CCDC9: variants seen among roughly 807,000 people sequenced by gnomAD.
The protein encoded by CCDC9 is coiled-coil domain-containing protein 9.
Under a neutral mutation model 65.6 loss-of-function variants are expected in CCDC9, and 52 were observed. That is an observed-to-expected ratio of 0.79 (90% CI 0.63 to 1.00). CCDC9 has a LOEUF of 1.00. Among genes scored for constraint, CCDC9 ranks in the 50% least tolerant of loss-of-function variants. CCDC9 has a pLI of 0.00. For missense variants in CCDC9, 834 were observed against 757.2 expected, an observed-to-expected ratio of 1.10 and a Z score of -1.19; for synonymous variants, 332 against 280.3, an observed-to-expected ratio of 1.18 and a Z score of -1.84.
At position 47,258,338 on chromosome 19, in the gene CCDC9, A is replaced by G; in HGVS notation, c.-63A>G. On this transcript the variant is annotated 5_prime_UTR_variant, in exon 2 of 12. Transcript: ENST00000221922. ...TTTCCCTCTGTCCCCAGGAACCCTC[A>G]GTGCTGCGTCTAGATTCTGCAGGGG... 2 of 1,587,320 alleles carry G rather than the reference A, an allele frequency of 1.3e-6. No individual in the cohort carries two copies. The highest frequency in any genetic ancestry group is 1.7e-6 in the Non-Finnish European group (2 of 1,156,056).
At chr19:47,273,195 TGA>T (rs779302769), downstream of CCDC9, among the ~76,000 whole-genome samples, 3 of 150,908 alleles carry the variant, frequency 2.0e-5, no homozygotes, top group Non-Finnish European at 4.4e-5. Flanking sequence ...GTGGGTCCGC[TGA>T]GAGGATTAGT....
chr19:47,271,689 CTGTGTGTGTG>C lies in CCDC9; in HGVS notation c.*46_*55del, dbSNP rs746173971. 1.4e-3 allele frequency: 1,563 copies of C among 1,126,772 alleles called. 5 individuals are homozygous for C. Among genetic ancestry groups the C allele is most frequent in the Middle Eastern group, 2.4e-3 (8 of 3,314 alleles). 69.8% of individuals were successfully genotyped at this position (1,126,772 alleles called of 1,614,324 possible). A position where few individuals can be genotyped will look rare whatever the true frequency, so the allele number is the denominator to read the frequency against. ...TTTGAGAGTGTATGAAGCTGGCTGCCTGTGTGTGTGTGTGTGTGTGTGTGTGTGTGTGTGT... is the reference window on the plus strand; with the variant it reads ...TTTGAGAGTGTATGAAGCTGGCTGCCTGTGTGTGTGTGTGTGTGTGTGTGT... On this transcript the variant is annotated 3_prime_UTR_variant, in exon 12 of 12. Coordinates refer to ENST00000221922, the MANE Select transcript of CCDC9 (RefSeq NM_015603.3).
chr19:47,270,514 A>G, intron 9 of CCDC9, 39 bp from the exon 10 acceptor site: 1 of 1,614,080 alleles, frequency 6.2e-7, no homozygotes. Context: ...GGTGTGTGCC[A>G]CACCTTCCCT....
chr19:47,270,729 C>G, intron 10 of CCDC9, 41 bp downstream of exon 10: 13 of 1,562,172 alleles, frequency 8.3e-6, no homozygotes, highest in Non-Finnish European at 1.1e-5. Context: ...CCCCAGGGCT[C>G]TCCGCAGGGC....
In CCDC9 at chr19:47,271,303, G is replaced by T; in HGVS notation, c.1221G>T (p.Arg407=). ...QPPEIPAPAH[R]PPEDEGEENE... ...CCGAGATCCCAGCTCCTGCCCACCG[G>T]CCTCCTGAAGACGAGGGGGAAGAGA... Residue 407 remains arginine, a synonymous_variant, in exon 12 of 12, where the codon CGG becomes CGT. Coordinates refer to ENST00000221922, the MANE Select transcript of CCDC9 (RefSeq NM_015603.3). 1 of 1,612,686 alleles carries T rather than the reference G, an allele frequency of 6.2e-7. No homozygotes were observed. Among genetic ancestry groups the T allele is most frequent in the Non-Finnish European group, 8.5e-7 (1 of 1,179,360 alleles).
chr19:47,274,652 GTGATT>G (rs2059144619), downstream of CCDC9: 1 of 229,164 alleles, frequency 4.4e-6, no homozygotes, highest in Non-Finnish European at 7.6e-6. Flanking sequence ...GGAGGAGGCG[GTGATT>G]GGGGTGGTGG....
intron 2 of CCDC9, 69 bp downstream of exon 2, chr19:47,258,472 T>C (rs950281313): frequency 1.9e-6 from 3 of 1,607,712 alleles, no homozygotes; most frequent in African/African-American, 1.3e-5. Flanking sequence ...ATGGGATCCA[T>C]AGGGGCAGAC....
Position 47,271,729 on chromosome 19 carries a change from G to GTC in CCDC9, c.*52_*53insCT. ...TGTGTGTGTGTGTGTGTGTGTGTGTGTGTGCGCGCGCGCGCGCGCGCGCGC... is the reference window on the plus strand; with the variant it reads ...TGTGTGTGTGTGTGTGTGTGTGTGTGTCTGTGCGCGCGCGCGCGCGCGCGCGC... On this transcript the variant is annotated 3_prime_UTR_variant, in exon 12 of 12. Coordinates refer to ENST00000221922, the MANE Select transcript of CCDC9 (RefSeq NM_015603.3). 1 of 615,842 alleles carries GTC rather than the reference G, an allele frequency of 1.6e-6. No homozygotes were observed. Among genetic ancestry groups the GTC allele is most frequent in the Non-Finnish European group, 1.9e-6 (1 of 519,576 alleles). 38.1% of individuals were successfully genotyped at this position (615,842 alleles called of 1,614,324 possible).
downstream of CCDC9, chr19:47,273,839 T>G (rs1347107108): frequency 2.9e-6 from 1 of 349,118 alleles, no homozygotes; most frequent in African/African-American, 2.2e-5. Context: ...CCGCTCACCC[T>G]TGAACTGTGT....
At chr19:47,275,403 G>C, downstream of CCDC9, 2 of 1,509,354 alleles carry the variant, frequency 1.3e-6, no homozygotes, top group East Asian at 2.8e-5. Context: ...TGTGCTCCAC[G>C]CCGAGGATGC....
chr19:47,270,390 C>T lies in CCDC9; in HGVS notation c.903-17C>T, dbSNP rs73061366. 0.12 allele frequency: 187,214 copies of T among 1,613,034 alleles called. 12,290 individuals are homozygous for T. The highest frequency in any genetic ancestry group is 0.21 in the Admixed American group (12,433 of 59,888). On this transcript the variant is annotated splice_polypyrimidine_tract_variant and intron_variant, in intron 8 of 11. Transcript: ENST00000221922. ...CTGTTCCCCCAGCTGCCCGCTCACC[C>T]GTTATCTTTCCCCCAGGTTCAAGGA...
chr19:47,266,480 G>C, intron 7 of CCDC9, 131 bp from the exon 8 acceptor site: 1 of 1,380,310 alleles, frequency 7.2e-7, no homozygotes, highest in Middle Eastern at 2.7e-4. Flanking sequence ...TGCCACCTGA[G>C]CCTAGTTGAT....
chr19:47,265,624 C>T (rs977246882), intron 7 of CCDC9, among the ~76,000 whole-genome samples: 1 of 151,770 alleles, frequency 6.6e-6, no homozygotes, highest in Admixed American at 6.6e-5. Flanking sequence ...TTTCTTGTTA[C>T]TAACAGTATT....
intron 3 of CCDC9, among the ~76,000 whole-genome samples, chr19:47,259,798 G>A (rs114791932): frequency 6.6e-6 from 1 of 152,334 alleles, no homozygotes; most frequent in African/African-American, 2.4e-5. Context: ...GACAGTGAGC[G>A]AGACGCATAT....
In CCDC9 at chr19:47,271,765, G is replaced by A. The variant is rs1316428472; in HGVS notation, c.*87G>A. On this transcript the variant is annotated 3_prime_UTR_variant, in exon 12 of 12. Transcript: ENST00000221922. ...CGCGCGCGCGCGCGCGCGCGCTAGA[G>A]GGGTGTGGCTGGTGGGGGACCCTTG... is the stretch of plus-strand genomic sequence containing the variant. 1.4e-6 allele frequency: 2 copies of A among 1,472,832 alleles called. No homozygotes were observed. Among genetic ancestry groups the A allele is most frequent in the South Asian group, 1.4e-5 (1 of 72,630 alleles). 91.2% of individuals were successfully genotyped at this position (1,472,832 alleles called of 1,614,324 possible).
At chr19:47,262,165 G>A (rs1445435481) in intron 5 of CCDC9, among the ~76,000 whole-genome samples, 1 of 151,754 alleles carries the variant, frequency 6.6e-6, no homozygotes, top group Admixed American at 6.6e-5. Flanking sequence ...TGGTCCAGGG[G>A]GTGAGGCCCT....
rs1356395700 is a variant in CCDC9, at chr19:47,270,548, T to C, written c.950-5T>C. 3 of 1,614,030 alleles carry C rather than the reference T, an allele frequency of 1.9e-6. No homozygotes were observed. Among genetic ancestry groups the C allele is most frequent in the Non-Finnish European group, 2.5e-6 (3 of 1,180,028 alleles). On this transcript the variant is annotated splice_region_variant and splice_polypyrimidine_tract_variant and intron_variant, in intron 9 of 11. Transcript: ENST00000221922. ...CTTCCCAATGACACCTGGGTTCTGT[T>C]GCAGATGACCAGGCCTGGGCCCGGC...
intron 5 of CCDC9, among the ~76,000 whole-genome samples, chr19:47,262,270 G>A (rs897142561): frequency 6.9e-6 from 1 of 145,006 alleles, no homozygotes; most frequent in East Asian, 2.1e-4. Flanking sequence ...AGGCTAGAGT[G>A]CAGTGGCATG....
At chr19:47,271,250 C>T in intron 11 of CCDC9, 24 bp from the exon 12 acceptor site, 2 of 1,610,656 alleles carry the variant, frequency 1.2e-6, no homozygotes, top group Non-Finnish European at 1.7e-6. Context: ...TGTGCCTTGC[C>T]CTGACTTGCC....
Sources: gnomAD v4.1 joint callset for allele counts (sites outside exome capture counted in the v4.1 genomes callset) on GRCh38, gnomAD v4.1.1 for gene constraint, MANE v1.5 for transcripts, NCBI Gene and HGNC (gene_info 2026-07-23, HGNC 2026-07-21) for gene names.